CELF2: variants seen among roughly 807,000 people sequenced by gnomAD.
CELF2 encodes CUG triplet repeat RNA-binding protein 2.
A neutral mutation model predicts 62.6 loss-of-function variants in CELF2; 8 were observed. That is an observed-to-expected ratio of 0.13 (90% CI 0.07 to 0.23). The LOEUF (loss-of-function observed/expected upper bound fraction) is 0.23. Ranked by LOEUF, CELF2 falls within the 10% of genes least tolerant of loss-of-function variation. The probability of loss-of-function intolerance (pLI) is 1.00; values close to 1 mark genes in which losing one functional copy is unlikely to be tolerated. For synonymous variants in CELF2, 258 were observed against 250.0 expected, an observed-to-expected ratio of 1.03 and a Z score of -0.30; for missense variants, 333 against 671.0, an observed-to-expected ratio of 0.50 and a Z score of 5.56.
chr10:11,146,846 C>T (rs926286617), intron 1 of CELF2, among the ~76,000 whole-genome samples: 7 of 152,178 alleles, frequency 4.6e-5, no homozygotes, highest in African/African-American at 1.2e-4. Flanking sequence ...TTTGCCTGGA[C>T]GTCCTGATAG....
chr10:10,706,007 C>G, the CELF2 span, among the ~76,000 whole-genome samples: 18 of 152,168 alleles, frequency 1.2e-4, no homozygotes, highest in African/African-American at 4.3e-4. Flanking sequence ...TACATCCCAG[C>G]CGGACTGAGC....
the CELF2 span, among the ~76,000 whole-genome samples, chr10:10,778,116 A>C: frequency 6.6e-6 from 1 of 152,170 alleles, no homozygotes; most frequent in Non-Finnish European, 1.5e-5. Context: ...CGTGACAACA[A>C]AACTGTAGTT....
intron 3 of CELF2, among the ~76,000 whole-genome samples, chr10:11,231,019 A>G (rs2068450572): frequency 6.6e-6 from 1 of 152,222 alleles, no homozygotes; most frequent in Admixed American, 6.5e-5. Flanking sequence ...AAGAAAATGT[A>G]ACTACCACAT....
intron 2 of CELF2, among the ~76,000 whole-genome samples, chr10:11,199,418 G>A (rs953917235): frequency 6.6e-6 from 1 of 152,098 alleles, no homozygotes; most frequent in Non-Finnish European, 1.5e-5. Context: ...ATTGCTACCT[G>A]ACCACAAGTG....
intron 2 of CELF2, among the ~76,000 whole-genome samples, chr10:11,188,705 C>G (rs1056958537): frequency 6.6e-6 from 1 of 152,134 alleles, no homozygotes; most frequent in African/African-American, 2.4e-5. Flanking sequence ...ACTTTCATCC[C>G]TTTCTTTTGT....
At chr10:10,560,661 C>T in the CELF2 span, among the ~76,000 whole-genome samples, 1 of 152,100 alleles carries the variant, frequency 6.6e-6, no homozygotes, top group Non-Finnish European at 1.5e-5. Context: ...ACCAATCTCA[C>T]TACTGGGTAT....
chr10:10,651,288 T>C, the CELF2 span, among the ~76,000 whole-genome samples: 2 of 146,234 alleles, frequency 1.4e-5, no homozygotes, highest in Non-Finnish European at 3.0e-5. Context: ...GCAGTGAGGC[T>C]GGGGGAGGGG....
rs2139170305 is a variant in CELF2, at chr10:11,280,443, G to A, written c.841+5323G>A. Among the ~76,000 whole-genome samples, 1 of 152,320 alleles carries A rather than the reference G, an allele frequency of 6.6e-6. No individual in the cohort carries two copies. Among genetic ancestry groups the A allele is most frequent in the East Asian group, 1.9e-4 (1 of 5,176 alleles). On this transcript the variant is annotated intron_variant, in intron 8 of 12. Coordinates refer to ENST00000633077, the MANE Select transcript of CELF2 (RefSeq NM_001326342.2). This position sits in a 1 kb window ranked among gnomAD's most constrained non-coding sequence, Gnocchi z 7.6. ...AAACCGTTTCTCCCCCGCATAGGAG[G>A]GGAAGGCAGGCAGGTGCGATGTCCA...
intron 3 of CELF2, among the ~76,000 whole-genome samples, chr10:11,233,417 G>A (rs555731910): frequency 1.2e-4 from 19 of 152,258 alleles, no homozygotes; most frequent in South Asian, 2.1e-4. Flanking sequence ...CTCACGCCGC[G>A]TGATTTCTTT....
chr10:10,717,832 C>T, the CELF2 span, among the ~76,000 whole-genome samples: 15 of 152,190 alleles, frequency 9.9e-5, no homozygotes, highest in Middle Eastern at 3.4e-3. Flanking sequence ...AGGGTGCTAT[C>T]CTCTAGGCTT....
chr10:11,123,508 C>G (rs770893494), intron 1 of CELF2, among the ~76,000 whole-genome samples: 1 of 152,168 alleles, frequency 6.6e-6, no homozygotes, highest in Non-Finnish European at 1.5e-5. Flanking sequence ...CCTCAGCCTC[C>G]CAAAGTGCTG....
chr10:10,789,716 G>T, the CELF2 span, among the ~76,000 whole-genome samples: 2 of 152,040 alleles, frequency 1.3e-5, no homozygotes, highest in Admixed American at 6.6e-5. Flanking sequence ...TTCTTACAGA[G>T]ATAGTTTTTA....
intron 5 of CELF2, among the ~76,000 whole-genome samples, chr10:11,258,365 T>C (rs1485416861): frequency 6.6e-6 from 1 of 152,134 alleles, no homozygotes; most frequent in East Asian, 1.9e-4. Context: ...TGGGCCTGTA[T>C]TGGGGTATTA....
rs1423193500 is a variant in CELF2, at chr10:11,220,595, T to A, written c.354+3088T>A. On this transcript the variant is annotated intron_variant, in intron 3 of 12. Coordinates refer to ENST00000633077, the MANE Select transcript of CELF2 (RefSeq NM_001326342.2). The surrounding 1 kb of genome is among the most constrained non-coding windows in gnomAD (Gnocchi z 4.4). ...TCATTGAAGACACGTTTCTCAAACT[T>A]GCCTCTTACTGGGTAACCAAAGAAG... Among the ~76,000 whole-genome samples the A allele has an allele frequency of 6.6e-6, 1 of 152,218 alleles. No individual in the cohort carries two copies. The highest frequency in any genetic ancestry group is 1.5e-5 in the Non-Finnish European group (1 of 68,034).
At position 10,970,745 on chromosome 10, in the gene CELF2, A is replaced by G. The variant is rs199982515; in HGVS notation, c.89+50746A>G. The G allele has an allele frequency of 2.4e-4, 36 of 152,312 alleles. No individual in the cohort carries two copies. In the East Asian group the frequency reaches 6.4e-3, roughly 27 times the overall value. 9.4% of individuals were successfully genotyped at this position (152,312 alleles called of 1,614,324 possible). ...ATTCCAAATTAGCAAAATGAGCAAC[A>G]TGTAATTTTTTTTATCTACAGGATT... is the stretch of plus-strand genomic sequence containing the variant. On this transcript the variant is annotated intron_variant, in intron 2 of 13. Transcript: ENST00000636488.
chr10:10,763,359 A>T, the CELF2 span, among the ~76,000 whole-genome samples: 13 of 152,312 alleles, frequency 8.5e-5, no homozygotes, highest in South Asian at 2.7e-3. Context: ...GTGGTCTGTG[A>T]CATACATTTG....
At chr10:10,685,735 G>A in the CELF2 span, among the ~76,000 whole-genome samples, 1 of 152,214 alleles carries the variant, frequency 6.6e-6, no homozygotes, top group Non-Finnish European at 1.5e-5. Flanking sequence ...TTTGCTGTGG[G>A]TTGAGACAAG....
chr10:11,138,194 C>T (rs549767373), intron 1 of CELF2, among the ~76,000 whole-genome samples: 1 of 152,280 alleles, frequency 6.6e-6, no homozygotes, highest in South Asian at 2.1e-4. Flanking sequence ...CTTTGAAATA[C>T]TGACAGTAAT....
At chr10:11,013,218 C>T (rs770618342), upstream of CELF2, among the ~76,000 whole-genome samples, 23 of 152,118 alleles carry the variant, frequency 1.5e-4, no homozygotes, top group Non-Finnish European at 2.4e-4. This position sits in a 1 kb window ranked among gnomAD's most constrained non-coding sequence, Gnocchi z 4.1. Context: ...GAAGTTTCTG[C>T]CACTGTCTGG....
Sources: gnomAD v4.1 joint callset for allele counts (sites outside exome capture counted in the v4.1 genomes callset) on GRCh38, gnomAD v4.1.1 for gene constraint, Gnocchi (gnomAD v3.1) non-coding constraint, MANE v1.5 for transcripts, NCBI Gene and HGNC (gene_info 2026-07-23, HGNC 2026-07-21) for gene names.